MBD5: variants seen among roughly 807,000 people sequenced by gnomAD.
MBD5 encodes methyl-CpG-binding domain protein 5.
A neutral mutation model predicts 117.3 loss-of-function variants in MBD5; 13 were observed. The ratio of observed to expected loss-of-function variants is 0.11; its 90% CI spans 0.07 to 0.18. MBD5 has a LOEUF of 0.18. Among genes scored for constraint, MBD5 ranks in the 10% least tolerant of loss-of-function variants. The pLI is 1.00. For missense variants in MBD5, 1,879 were observed against 2,093.8 expected (o/e 0.90, Z 2.00); for synonymous variants, 727 against 766.4 (o/e 0.95, Z 0.85).
At chr2:148,272,073 C>T (rs1343741768) in intron 3 of MBD5, among the ~76,000 whole-genome samples, 2 of 152,188 alleles carry the variant, frequency 1.3e-5, no homozygotes, top group African/African-American at 4.8e-5. Flanking sequence ...TTTCACTTAA[C>T]ATAATTCCTC....
At chr2:148,165,725 C>T (rs1698112310) in intron 1 of MBD5, among the ~76,000 whole-genome samples, 1 of 152,046 alleles carries the variant, frequency 6.6e-6, no homozygotes, top group Non-Finnish European at 1.5e-5. Context: ...ACAATATCTA[C>T]AGCTCTATTC....
chr2:148,168,245 C>G (rs1044182754), intron 1 of MBD5, among the ~76,000 whole-genome samples: 1 of 152,080 alleles, frequency 6.6e-6, no homozygotes, highest in African/African-American at 2.4e-5. Context: ...TTCAATAGCC[C>G]TGTCTCTTAT....
At chr2:148,220,758 T>TTTTTTGTAAAAA (rs1699666299) in intron 2 of MBD5, among the ~76,000 whole-genome samples, 2 of 152,190 alleles carry the variant, frequency 1.3e-5, no homozygotes. Context: ...AATCAAATTA[T>TTTTTTGTAAAAA]ACTTTTAGTT....
intron 3 of MBD5, among the ~76,000 whole-genome samples, chr2:148,327,496 G>T (rs976056378): frequency 5.3e-5 from 8 of 151,974 alleles, no homozygotes; most frequent in African/African-American, 1.9e-4. Context: ...ACGTAGATTT[G>T]GTCTTTTCAC....
intron 1 of MBD5, among the ~76,000 whole-genome samples, chr2:148,083,747 C>T (rs981969408): frequency 6.6e-6 from 1 of 152,088 alleles, no homozygotes; most frequent in Admixed American, 6.5e-5. Flanking sequence ...CCTGCCTCAG[C>T]CTCCTGAGTA....
intron 1 of MBD5, among the ~76,000 whole-genome samples, chr2:148,169,622 T>C (rs1435866925): frequency 6.6e-6 from 1 of 152,158 alleles, no homozygotes; most frequent in East Asian, 1.9e-4. Context: ...TTTTAGAAAA[T>C]GCTTGTGAGG....
chr2:148,379,237 A>G lies in MBD5; in HGVS notation c.-557+36901A>G, dbSNP rs560885244. On this transcript the variant is annotated intron_variant, in intron 4 of 13. Transcript: ENST00000642680. ...GGTAAAACACAGGTCATCAAATACA[A>G]AAAAAAGATGCTCAAAGCAGCTTAA... Among the ~76,000 whole-genome samples, 7 of 152,158 alleles carry G rather than the reference A, an allele frequency of 4.6e-5. No homozygotes were observed. In the East Asian group the frequency reaches 7.7e-4, roughly 17 times the overall value.
At chr2:148,321,642 G>A (rs1702284698) in intron 3 of MBD5, among the ~76,000 whole-genome samples, 1 of 151,964 alleles carries the variant, frequency 6.6e-6, no homozygotes, top group Non-Finnish European at 1.5e-5. Context: ...TGAAAATACT[G>A]GATTATAAAT....
intron 4 of MBD5, among the ~76,000 whole-genome samples, chr2:148,438,157 C>T (rs576336495): frequency 5.9e-5 from 9 of 152,210 alleles, no homozygotes; most frequent in South Asian, 2.1e-4. Flanking sequence ...GATGCAAAGA[C>T]GAAATACATA....
At chr2:148,332,961 T>A (rs1702697419) in intron 3 of MBD5, among the ~76,000 whole-genome samples, 1 of 152,188 alleles carries the variant, frequency 6.6e-6, no homozygotes, top group Admixed American at 6.5e-5. Flanking sequence ...CTCCTATGTT[T>A]GTTTTTTCTT....
chr2:148,109,308 T>C (rs1383311886), intron 1 of MBD5, among the ~76,000 whole-genome samples: 4 of 152,086 alleles, frequency 2.6e-5, no homozygotes, highest in Non-Finnish European at 5.9e-5. Flanking sequence ...ATTATATTTG[T>C]GACATAGATT....
intron 4 of MBD5, among the ~76,000 whole-genome samples, chr2:148,435,602 A>G (rs1706131464): frequency 6.6e-6 from 1 of 152,132 alleles, no homozygotes; most frequent in Non-Finnish European, 1.5e-5. Context: ...GTTTCTGCTG[A>G]AAGGTCTGCT....
chr2:148,332,159 A>T (rs975855899), intron 3 of MBD5, among the ~76,000 whole-genome samples: 1 of 151,990 alleles, frequency 6.6e-6, no homozygotes, highest in Non-Finnish European at 1.5e-5. Flanking sequence ...TTACTATGCA[A>T]GCTATAGACT....
rs766182061 is a variant in MBD5 at position 148,469,782 on chromosome 2, C to A, written c.1839C>A (p.Asn613Lys). ...CTGGAGCTGTTGCCGGCAGTGGCAA[C>A]ACTGAAGGACATAGCACTTTAAACA... ...SNSGAVAGSG[N>K]TEGHSTLNTM... The change falls in exon 8 of 14, where the codon AAC (asparagine) becomes AAA (lysine). Residue 613 changes from asparagine (N) to lysine (K), a missense_variant. Physicochemically the swap from Asn to Lys is moderately conservative, Grantham distance 94. Coordinates refer to ENST00000642680, the MANE Select transcript of MBD5 (RefSeq NM_001378120.1). 3 of 1,613,856 alleles carry A rather than the reference C, an allele frequency of 1.9e-6. No homozygotes were observed. The highest frequency in any genetic ancestry group is 2.5e-6 in the Non-Finnish European group (3 of 1,179,902).
At chr2:148,314,716 T>A (rs1232704800) in intron 3 of MBD5, among the ~76,000 whole-genome samples, 2 of 152,152 alleles carry the variant, frequency 1.3e-5, no homozygotes, top group Non-Finnish European at 2.9e-5. Context: ...TACAGACGTC[T>A]GCCACTGTAC....
intron 1 of MBD5, among the ~76,000 whole-genome samples, chr2:148,150,341 T>C (rs1697617472): frequency 6.6e-6 from 1 of 151,300 alleles, no homozygotes; most frequent in East Asian, 1.9e-4. Flanking sequence ...TTGGTTACTA[T>C]AGCCTTGTAG....
chr2:148,235,717 C>A lies in MBD5; in HGVS notation c.-680+2322C>A, dbSNP rs1057494949. ...AGGTATCTTTGCACTATACTGTAAT[C>A]TATTCAGTGTGTAATTGCATCATGT... On this transcript the variant is annotated intron_variant, in intron 3 of 13. Coordinates refer to ENST00000642680, the MANE Select transcript of MBD5 (RefSeq NM_001378120.1). Among the ~76,000 whole-genome samples the A allele has an allele frequency of 6.6e-5, 10 of 151,402 alleles. No individual in the cohort carries two copies. The South Asian group carries it at 2.1e-3, about 31-fold the overall frequency.
intron 3 of MBD5, among the ~76,000 whole-genome samples, chr2:148,328,098 C>A (rs1486295684): frequency 1.3e-5 from 2 of 152,110 alleles, no homozygotes; most frequent in African/African-American, 2.4e-5. Context: ...GAGTACCCGG[C>A]CGTGTGAGGT....
At chr2:148,480,755 G>T (rs1285173566) in intron 8 of MBD5, among the ~76,000 whole-genome samples, 2 of 151,938 alleles carry the variant, frequency 1.3e-5, no homozygotes, top group Non-Finnish European at 2.9e-5. Context: ...GCCTACTTCA[G>T]TATTTGGTAT....
Sources: gnomAD v4.1 joint callset for allele counts (sites outside exome capture counted in the v4.1 genomes callset) on GRCh38, gnomAD v4.1.1 for gene constraint, MANE v1.5 for transcripts, NCBI Gene and HGNC (gene_info 2026-07-23, HGNC 2026-07-21) for gene names.